PCDHGA1: variants seen among roughly 807,000 people sequenced by gnomAD.
The protein encoded by PCDHGA1 is protocadherin gamma subfamily A, 1, also known as protocadherin gamma-A1.
PCDHGA1 carries 32 observed loss-of-function variants against 58.0 expected under a neutral mutation model. The observed-to-expected ratio is 0.55, with a 90% confidence interval of 0.42 to 0.74. PCDHGA1 has a LOEUF of 0.74. Among genes scored for constraint, PCDHGA1 ranks in the 30% least tolerant of loss-of-function variants. The probability of loss-of-function intolerance (pLI) is 0.00; values close to 1 mark genes in which losing one functional copy is unlikely to be tolerated. For synonymous variants in PCDHGA1, 498 were observed against 501.1 expected, an observed-to-expected ratio of 0.99 and a Z score of 0.08; for missense variants, 1,205 against 1,182.3, an observed-to-expected ratio of 1.02 and a Z score of -0.28.
At chr5:141,464,279 C>CAA (rs373828487) in intron 1 of PCDHGA1, among the ~76,000 whole-genome samples, 8,568 of 137,664 alleles carry the variant, frequency 0.062, 499 homozygotes, top group African/African-American at 0.16. Context: ...AAAAAAAAAG[C>CAA]AAAAAAAAAA....
At chr5:141,403,513 T>C (rs754840157) in intron 1 of PCDHGA1, 1 of 1,613,714 alleles carries the variant, frequency 6.2e-7, no homozygotes, top group East Asian at 2.2e-5. Flanking sequence ...CTGGAGACAA[T>C]GGAGCCATAA....
intron 1 of PCDHGA1, chr5:141,355,141 G>C: frequency 6.6e-7 from 1 of 1,526,010 alleles, no homozygotes. Flanking sequence ...AGATCCTGGG[G>C]CTCCTCAGGC....
intron 1 of PCDHGA1, chr5:141,427,988 T>C (rs555561265): frequency 6.3e-7 from 1 of 1,598,504 alleles, no homozygotes; most frequent in South Asian, 1.1e-5. Context: ...TGGGGCCCGA[T>C]GGCTCCGCAC....
Position 141,477,395 on chromosome 5 carries a change from A to G in PCDHGA1, c.2422-17412A>G. The G allele has an allele frequency of 1.9e-6, 3 of 1,614,126 alleles. No individual in the cohort carries two copies. The highest frequency in any genetic ancestry group is 1.3e-5 in the African/African-American group (1 of 75,020). ...GACTGTGCCAGAATACAACCTCAGC[A>G]TCACCGCCCGAGACGCCGGAACCCC... On this transcript the variant is annotated intron_variant, in intron 1 of 3. Transcript: ENST00000517417. The surrounding 1 kb of genome is among the most constrained non-coding windows in gnomAD (Gnocchi z 4.9).
rs745814935 is a variant in PCDHGA1, at chr5:141,357,130, G to T, written c.2421+24025G>T. On this transcript the variant is annotated intron_variant, in intron 1 of 3. Transcript: ENST00000517417. Reference sequence around the variant, plus strand: ...AGACGCGCTCAAGCAGAGGCTTGTAGTGGTCGTCCAGGACCATGGCCAGCC... The same window carrying T: ...AGACGCGCTCAAGCAGAGGCTTGTATTGGTCGTCCAGGACCATGGCCAGCC... 3.7e-6 allele frequency: 6 copies of T among 1,613,472 alleles called. No homozygotes were observed. The Admixed American group carries it at 8.3e-5, about 22-fold the overall frequency.
intron 1 of PCDHGA1, chr5:141,388,880 G>T: frequency 1.2e-6 from 2 of 1,613,982 alleles, no homozygotes; most frequent in Non-Finnish European, 1.7e-6. Flanking sequence ...GCACAGTGGA[G>T]GTAGAAGTCA....
intron 1 of PCDHGA1, chr5:141,393,441 C>G: frequency 6.2e-7 from 1 of 1,614,070 alleles, no homozygotes; most frequent in African/African-American, 1.3e-5. Flanking sequence ...TGCTCACCAC[C>G]TGGTCCTCAC....
intron 1 of PCDHGA1, among the ~76,000 whole-genome samples, chr5:141,474,075 C>T (rs2099339724): frequency 6.6e-6 from 1 of 151,902 alleles, no homozygotes; most frequent in African/African-American, 2.4e-5. Flanking sequence ...GCCTCAGAAA[C>T]AAAAACCAAA....
At chr5:141,458,289 T>G (rs2154566205) in intron 1 of PCDHGA1, among the ~76,000 whole-genome samples, 1 of 152,280 alleles carries the variant, frequency 6.6e-6, no homozygotes, top group African/African-American at 2.4e-5. Flanking sequence ...CTGGTCCTCA[T>G]GCTGGTTTAG....
At chr5:141,398,949 C>G in intron 1 of PCDHGA1, 1 of 1,613,948 alleles carries the variant, frequency 6.2e-7, no homozygotes, top group Non-Finnish European at 8.5e-7. Context: ...AGGGCATCAA[C>G]TCAGAAATTA....
rs753473913 is a variant in PCDHGA1 at position 141,503,323 on chromosome 5, G to A, written c.2481-2070G>A. On this transcript the variant is annotated intron_variant, in intron 2 of 3. Transcript: ENST00000517417. The stretch of plus-strand genomic sequence containing the variant: ...CTCAAGAAAGAATTGTTGGAGGGGC[G>A]CGGTGGCTCACGCCTGTAATTCCAG... Among the ~76,000 whole-genome samples the A allele has an allele frequency of 2.0e-5, 3 of 152,214 alleles. No individual in the cohort carries two copies. In the Middle Eastern group the frequency reaches 0.01, roughly 518 times the overall value.
chr5:141,482,500 G>T (rs1409735210), intron 1 of PCDHGA1, among the ~76,000 whole-genome samples: 1 of 133,788 alleles, frequency 7.5e-6, no homozygotes, highest in Non-Finnish European at 1.5e-5. Flanking sequence ...TATCATTCTG[G>T]TACCCAGAGT....
intron 1 of PCDHGA1, chr5:141,360,306 C>T (rs1354179747): frequency 6.2e-7 from 1 of 1,613,952 alleles, no homozygotes; most frequent in Non-Finnish European, 8.5e-7. Context: ...TGGGGCTCAG[C>T]GTCCGGGACT....
intron 1 of PCDHGA1, chr5:141,376,519 T>C (rs1281722134): frequency 1.2e-6 from 2 of 1,613,930 alleles, no homozygotes; most frequent in Non-Finnish European, 1.7e-6. Context: ...TGAGTTTCTT[T>C]CCGCCTAAGC....
At chr5:141,445,420 T>C (rs968387442) in intron 1 of PCDHGA1, among the ~76,000 whole-genome samples, 3 of 152,204 alleles carry the variant, frequency 2.0e-5, no homozygotes, top group Admixed American at 6.5e-5. Context: ...GTCTGCTATA[T>C]GCAAGGCACT....
At chr5:141,408,458 G>A (rs760881860) in intron 1 of PCDHGA1, 1 of 1,614,066 alleles carries the variant, frequency 6.2e-7, no homozygotes, top group Admixed American at 1.7e-5. Context: ...GGACTTACTT[G>A]TGAAGAACCG....
At chr5:141,468,783 G>A (rs908838744) in intron 1 of PCDHGA1, among the ~76,000 whole-genome samples, 7 of 151,460 alleles carry the variant, frequency 4.6e-5, no homozygotes, top group South Asian at 2.1e-4. Context: ...GGAGAATGGC[G>A]TGAACCCGGG....
chr5:141,385,288 T>G (rs1781084944), intron 1 of PCDHGA1: 1 of 1,613,250 alleles, frequency 6.2e-7, no homozygotes, highest in Admixed American at 1.7e-5. Context: ...ATCCGTAGAT[T>G]TTCAGGAATG....
At chr5:141,376,514 T>C in intron 1 of PCDHGA1, 1 of 1,613,998 alleles carries the variant, frequency 6.2e-7, no homozygotes, top group Non-Finnish European at 8.5e-7. Context: ...TCAGGTGAGT[T>C]TCTTTCCGCC....
Sources: allele counts gnomAD v4.1 joint callset (sites outside exome capture counted in the v4.1 genomes callset), GRCh38; gene constraint gnomAD v4.1.1; non-coding constraint Gnocchi (gnomAD v3.1); transcripts MANE v1.5; gene names NCBI Gene and HGNC (gene_info 2026-07-23, HGNC 2026-07-21).